Variants in MAGI1 observed in about 807,000 individuals in gnomAD.
MAGI1 encodes membrane associated guanylate kinase, WW and PDZ domain containing 1, also known as membrane-associated guanylate kinase, WW and PDZ domain-containing protein 1.
Under a neutral mutation model 139.9 loss-of-function variants are expected in MAGI1, and 58 were observed. That is an observed-to-expected ratio of 0.41 (90% confidence interval 0.34 to 0.52). The LOEUF is 0.52. Among genes scored for constraint, MAGI1 ranks in the 20% least tolerant of loss-of-function variants. The pLI is 0.12. For missense variants in MAGI1, 1,874 were observed against 1,901.6 expected (o/e 0.99, Z 0.27); for synonymous variants, 812 against 737.9 (o/e 1.10, Z -1.63).
intron 1 of MAGI1, among the ~76,000 whole-genome samples, chr3:65,783,417 G>A (rs1464704881): frequency 6.6e-6 from 1 of 152,110 alleles, no homozygotes; most frequent in Non-Finnish European, 1.5e-5. Flanking sequence ...GAGAGGGCAG[G>A]TGGGAGGATT....
At chr3:65,874,649 A>T (rs955628929) in intron 1 of MAGI1, 1 of 152,232 alleles carries the variant, frequency 6.6e-6, no homozygotes, top group Non-Finnish European at 1.5e-5. Context: ...GATCCTTCAT[A>T]CACTGCTGGT....
At chr3:65,365,860 CT>C (rs1559896065) in intron 18 of MAGI1, among the ~76,000 whole-genome samples, 1 of 152,178 alleles carries the variant, frequency 6.6e-6, no homozygotes, top group Non-Finnish European at 1.5e-5. Context: ...AATATGTTAA[CT>C]ATTCCAAACT....
intron 1 of MAGI1, among the ~76,000 whole-genome samples, chr3:65,851,163 T>G (rs1174399282): frequency 1.3e-5 from 2 of 152,164 alleles, no homozygotes; most frequent in African/African-American, 4.8e-5. Flanking sequence ...CACTGCTGTA[T>G]GCCTGGTACC....
At chr3:65,562,529 C>T (rs2080409252) in intron 2 of MAGI1, among the ~76,000 whole-genome samples, 1 of 152,072 alleles carries the variant, frequency 6.6e-6, no homozygotes, top group African/African-American at 2.4e-5. Flanking sequence ...ATCTCTGTTT[C>T]CCAGGCTATA....
chr3:65,507,453 C>T (rs538600836), intron 2 of MAGI1, among the ~76,000 whole-genome samples: 1 of 152,272 alleles, frequency 6.6e-6, no homozygotes, highest in Admixed American at 6.5e-5. Context: ...CATGTGTTAG[C>T]CTGGTCATAA....
chr3:65,618,930 T>C (rs1473631115), intron 2 of MAGI1, among the ~76,000 whole-genome samples: 1 of 152,196 alleles, frequency 6.6e-6, no homozygotes, highest in Non-Finnish European at 1.5e-5. Context: ...TGCATCTCTT[T>C]TCTGTTGGGG....
chr3:65,397,615 T>C (rs1260559845), intron 13 of MAGI1, among the ~76,000 whole-genome samples: 1 of 152,006 alleles, frequency 6.6e-6, no homozygotes, highest in Non-Finnish European at 1.5e-5. Flanking sequence ...AATAGCTAAG[T>C]AAAGAATGTG....
chr3:65,463,057 A>G (rs1394002302), intron 5 of MAGI1, among the ~76,000 whole-genome samples: 1 of 152,200 alleles, frequency 6.6e-6, no homozygotes, highest in Non-Finnish European at 1.5e-5. Context: ...TAATCATGTC[A>G]TCTGCAAACA....
chr3:65,616,189 G>A (rs1231741965), intron 2 of MAGI1, among the ~76,000 whole-genome samples: 1 of 141,704 alleles, frequency 7.1e-6, no homozygotes, highest in African/African-American at 2.7e-5. Flanking sequence ...GCAAACCGAT[G>A]CATAGCAAAT....
chr3:65,872,904 A>T (rs2059987381), intron 1 of MAGI1: 1 of 152,196 alleles, frequency 6.6e-6, no homozygotes, highest in Non-Finnish European at 1.5e-5. Flanking sequence ...TGACCTCTTT[A>T]AGAGGAGAGC....
chr3:65,662,074 G>A (rs2086231279), intron 1 of MAGI1, among the ~76,000 whole-genome samples: 1 of 151,848 alleles, frequency 6.6e-6, no homozygotes, highest in South Asian at 2.1e-4. Context: ...TATTATTGCT[G>A]CCAAGAAAAA....
intron 1 of MAGI1, among the ~76,000 whole-genome samples, chr3:65,962,088 G>T (rs912642104): frequency 7.3e-5 from 11 of 151,562 alleles, no homozygotes; most frequent in Non-Finnish European, 1.5e-4. Context: ...AGCATATTTG[G>T]ACTGTTTGTT....
Position 65,447,425 on chromosome 3 carries a change from C to G in MAGI1, c.1078+597G>C, listed in dbSNP as rs113687909. Among the ~76,000 whole-genome samples the G allele has an allele frequency of 3.9e-5, 6 of 152,280 alleles. 1 individual carries two copies. Among genetic ancestry groups the G allele is most frequent in the African/African-American group, 1.4e-4 (6 of 41,576 alleles). The stretch of plus-strand genomic sequence containing the variant: ...TGCATTGACACAACTCTAAGGCAAA[C>G]AGTACATACAGATGCTGCATCACTA... On this transcript the variant is annotated intron_variant, in intron 7 of 22. Coordinates refer to ENST00000402939, the MANE Select transcript of MAGI1 (RefSeq NM_001033057.2).
chr3:65,995,477 G>C (rs1576398319), intron 1 of MAGI1, among the ~76,000 whole-genome samples: 1 of 151,674 alleles, frequency 6.6e-6, no homozygotes, highest in Admixed American at 6.6e-5. Flanking sequence ...AGGTGATACA[G>C]ACAAGAGGAC....
intron 2 of MAGI1, among the ~76,000 whole-genome samples, chr3:65,614,664 T>G (rs1015251970): frequency 6.6e-6 from 1 of 152,130 alleles, no homozygotes; most frequent in African/African-American, 2.4e-5. Flanking sequence ...CAGTAATAAC[T>G]ACCACTAGCA....
intron 2 of MAGI1, among the ~76,000 whole-genome samples, chr3:65,504,888 GA>G (rs1477495662): frequency 6.6e-5 from 10 of 152,120 alleles, no homozygotes; most frequent in Admixed American, 5.2e-4. Flanking sequence ...CAAACTCATG[GA>G]AACCTCGCAT....
At chr3:65,779,247 C>A (rs541896462) in intron 1 of MAGI1, among the ~76,000 whole-genome samples, 4 of 152,266 alleles carry the variant, frequency 2.6e-5, no homozygotes, top group Non-Finnish European at 4.4e-5. Context: ...CCATCACACC[C>A]AGGGCTCTGG....
rs571740212 is a variant in MAGI1 at position 66,038,709 on chromosome 3, G to A, written c.-401C>T. 1 of 173,086 alleles carries A rather than the reference G, an allele frequency of 5.8e-6. No individual in the cohort carries two copies. Among genetic ancestry groups the A allele is most frequent in the South Asian group, 1.8e-4 (1 of 5,688 alleles). 10.7% of individuals were successfully genotyped at this position (173,086 alleles called of 1,614,324 possible). On this transcript the variant is annotated 5_prime_UTR_variant, in exon 1 of 23. Transcript: ENST00000402939. ...CCTCCCGCCCGGCTCGCCTCTCCTC[G>A]CTGGCAGGCTGTTACTGAGGGTGAG...
intron 1 of MAGI1, among the ~76,000 whole-genome samples, chr3:65,882,492 T>C (rs1287733398): frequency 6.6e-6 from 1 of 151,900 alleles, no homozygotes; most frequent in East Asian, 1.9e-4. Flanking sequence ...TGTTTTCCCA[T>C]CTACAGGATG....
Sources: gnomAD v4.1 joint callset for allele counts (sites outside exome capture counted in the v4.1 genomes callset) on GRCh38, gnomAD v4.1.1 for gene constraint, MANE v1.5 for transcripts, NCBI Gene and HGNC (gene_info 2026-07-23, HGNC 2026-07-21) for gene names.